Variants in PSIP1 observed in about 807,000 individuals in gnomAD.
PSIP1 encodes the protein PC4 and SRSF1 interacting protein 1.
PSIP1 carries 19 observed loss-of-function variants against 74.7 expected under a neutral mutation model. The observed-to-expected ratio is 0.25, with a 90% CI of 0.18 to 0.37. The LOEUF is 0.37. Among genes scored for constraint, PSIP1 ranks in the 10% least tolerant of loss-of-function variants. The probability of loss-of-function intolerance (pLI) is 1.00; values close to 1 mark genes in which losing one functional copy is unlikely to be tolerated. For synonymous variants in PSIP1, 222 were observed against 195.3 expected (o/e 1.14, Z -1.14); for missense variants, 601 against 614.3 (o/e 0.98, Z 0.23).
intron 2 of PSIP1, among the ~76,000 whole-genome samples, chr9:15,508,670 A>G (rs1046382009): frequency 7.2e-5 from 11 of 152,204 alleles, no homozygotes; most frequent in East Asian, 1.9e-4. Flanking sequence ...ATGAAAAAGT[A>G]TATCAGAGGG....
At chr9:15,482,161 A>G (rs146753630) in intron 6 of PSIP1, among the ~76,000 whole-genome samples, 4 of 152,202 alleles carry the variant, frequency 2.6e-5, no homozygotes, top group African/African-American at 9.6e-5. Flanking sequence ...TGGGATTACT[A>G]TTCAAATGTA....
intron 6 of PSIP1, among the ~76,000 whole-genome samples, chr9:15,483,961 C>T (rs1226493910): frequency 6.6e-6 from 1 of 151,810 alleles, no homozygotes; most frequent in African/African-American, 2.4e-5. Context: ...AACCCCATCT[C>T]TACTAAAAAT....
chr9:15,508,814 T>C (rs939637211), intron 2 of PSIP1, among the ~76,000 whole-genome samples: 9 of 152,164 alleles, frequency 5.9e-5, no homozygotes, highest in Non-Finnish European at 1.5e-5. Context: ...TCTCACAATA[T>C]ATTTGGAGGT....
At chr9:15,495,474 G>A (rs538727454) in intron 3 of PSIP1, among the ~76,000 whole-genome samples, 3 of 152,108 alleles carry the variant, frequency 2.0e-5, no homozygotes, top group African/African-American at 7.2e-5. Flanking sequence ...AATGCATAAG[G>A]AAATGAAATA....
intron 14 of PSIP1, among the ~76,000 whole-genome samples, chr9:15,467,676 A>G (rs141666319): frequency 1.1e-4 from 17 of 152,280 alleles, no homozygotes; most frequent in African/African-American, 2.7e-4. Flanking sequence ...TTCTATTTGT[A>G]TAAGTTATAA....
intron 3 of PSIP1, among the ~76,000 whole-genome samples, chr9:15,494,191 G>C (rs2036966426): frequency 6.6e-6 from 1 of 152,038 alleles, no homozygotes; most frequent in Non-Finnish European, 1.5e-5. Flanking sequence ...AAGAATTAGG[G>C]AACTAATGAG....
intron 10 of PSIP1, chr9:15,471,869 C>T: frequency 6.1e-6 from 6 of 981,422 alleles, no homozygotes; most frequent in Non-Finnish European, 7.3e-6. Context: ...AAAACAACAA[C>T]AAAAAAACAA....
In PSIP1 at chr9:15,468,459, T is replaced by C. The variant is rs148502441; in HGVS notation, c.1420+171A>G. 1.6e-3 allele frequency: 1,317 copies of C among 801,340 alleles called. 20 individuals carry two copies. In the African/African-American group the frequency reaches 0.02, roughly 12 times the overall value. The allele number at this position is 801,340 out of a possible 1,614,324, so 49.6% of individuals were successfully genotyped here. A position where few individuals can be genotyped will look rare whatever the true frequency, so the allele number is the denominator to read the frequency against. ...AACTGACATGATTTTTTGTTCTCAA[T>C]GCACACTGCTCTAGTCCTTCAATAG... On this transcript the variant is annotated intron_variant, in intron 14 of 15. Transcript: ENST00000380733.
chr9:15,468,862 T>C lies in PSIP1; in HGVS notation c.1207-19A>G, dbSNP rs377763961. Reference sequence around the variant, plus strand: ...GCCGTATCTGAGAAAACAATATACATTCATCATAATTGTTTTCCTAATTGA... The same window carrying C: ...GCCGTATCTGAGAAAACAATATACACTCATCATAATTGTTTTCCTAATTGA... On this transcript the variant is annotated intron_variant, in intron 13 of 15. Coordinates refer to ENST00000380733, the MANE Select transcript of PSIP1 (RefSeq NM_033222.5). 2.2e-5 allele frequency: 36 copies of C among 1,607,814 alleles called. No homozygotes were observed. The highest frequency in any genetic ancestry group is 8.4e-5 in the Admixed American group (5 of 59,774).
Position 15,501,840 on chromosome 9 carries a change from C to CATAT in PSIP1, c.149+4717_149+4720dup, listed in dbSNP as rs112671758. Among the ~76,000 whole-genome samples, 670 of 124,482 alleles carry CATAT rather than the reference C, an allele frequency of 5.4e-3. 14 individuals carry two copies. The highest frequency in any genetic ancestry group is 0.013 in the South Asian group (48 of 3,730). The allele number at this position is 124,482 out of a possible 152,430, so 81.7% of individuals were successfully genotyped here. On this transcript the variant is annotated intron_variant, in intron 3 of 15. Transcript: ENST00000380733. ...TGTTTAAGTCCCTTATATAAAACAG[C>CATAT]ATATATATATATATATATATATATA...
intron 3 of PSIP1, among the ~76,000 whole-genome samples, chr9:15,497,580 C>T (rs2037142237): frequency 6.6e-6 from 1 of 152,070 alleles, no homozygotes; most frequent in African/African-American, 2.4e-5. Flanking sequence ...CCACCTCGGC[C>T]TCCCAAAGTG....
In PSIP1 at chr9:15,467,780, A is replaced by T. The variant is rs190865040; in HGVS notation, c.1420+850T>A. 2.6e-5 allele frequency among the ~76,000 whole-genome samples: 4 copies of T among 152,362 alleles called. No individual in the cohort carries two copies. The East Asian group carries it at 7.7e-4, about 29-fold the overall frequency. On this transcript the variant is annotated intron_variant, in intron 14 of 15. Transcript: ENST00000380733. ...TGCTAAAGTTAGTGAAAAAAGTAGA[A>T]GCTAAGGTTCAGTGCCTTACATATA...
At chr9:15,482,288 G>GA (rs111702299) in intron 6 of PSIP1, among the ~76,000 whole-genome samples, 1,841 of 148,606 alleles carry the variant, frequency 0.012, 31 homozygotes, top group African/African-American at 0.037. Context: ...AGCCTGCTGG[G>GA]AAAAAAAAAA....
chr9:15,481,224 GC>G (rs1334504363), intron 6 of PSIP1, among the ~76,000 whole-genome samples: 1 of 152,164 alleles, frequency 6.6e-6, no homozygotes, highest in East Asian at 1.9e-4. Context: ...TTTTTATAAA[GC>G]TCCCCAGGTA....
chr9:15,488,174 C>T (rs781210853), intron 4 of PSIP1, among the ~76,000 whole-genome samples: 13 of 151,890 alleles, frequency 8.6e-5, no homozygotes, highest in Non-Finnish European at 1.3e-4. Flanking sequence ...ACTAAAAATA[C>T]AAAAATTACC....
Position 15,464,642 on chromosome 9 carries a change from T to G in PSIP1, c.*878A>C. 1 of 198,656 alleles carries G rather than the reference T, an allele frequency of 5.0e-6. No individual in the cohort carries two copies. Among genetic ancestry groups the G allele is most frequent in the Non-Finnish European group, 1.0e-5 (1 of 96,182 alleles). The allele number at this position is 198,656 out of a possible 1,614,324, so 12.3% of individuals were successfully genotyped here. On this transcript the variant is annotated 3_prime_UTR_variant, in exon 16 of 16. Transcript: ENST00000380733. ...TTGTATAAGCATCATGATTTTTTCT[T>G]CCAATTAAGTTTTAGTGACTTCCTA...
At chr9:15,483,493 G>A (rs1447840595) in intron 6 of PSIP1, among the ~76,000 whole-genome samples, 1 of 151,890 alleles carries the variant, frequency 6.6e-6, no homozygotes, top group Non-Finnish European at 1.5e-5. Flanking sequence ...CCTTAGAAAG[G>A]CCTTTTGTAG....
intron 3 of PSIP1, among the ~76,000 whole-genome samples, chr9:15,502,675 T>G (rs548224862): frequency 6.6e-6 from 1 of 152,286 alleles, no homozygotes; most frequent in African/African-American, 2.4e-5. Flanking sequence ...AGAACAAGAT[T>G]TGCTGACTGA....
chr9:15,474,257 A>C lies in PSIP1; in HGVS notation c.630-20T>G, dbSNP rs2035978451. The C allele has an allele frequency of 4.5e-6, 7 of 1,561,750 alleles. No homozygotes were observed. The highest frequency in any genetic ancestry group is 5.2e-6 in the Non-Finnish European group (6 of 1,145,966). On this transcript the variant is annotated intron_variant, in intron 8 of 15. Coordinates refer to ENST00000380733, the MANE Select transcript of PSIP1 (RefSeq NM_033222.5). ...GTAATGCTATTTTAGAGAACATAAC[A>C]ATGTATACTTGTCATTCAACTATAA...
Sources: gnomAD v4.1 joint callset for allele counts (sites outside exome capture counted in the v4.1 genomes callset) on GRCh38, gnomAD v4.1.1 for gene constraint, MANE v1.5 for transcripts, NCBI Gene and HGNC (gene_info 2026-07-23, HGNC 2026-07-21) for gene names.